The following GRIA4 variants were observed in gnomAD, a reference collection of about 807,000 sequenced individuals.
GRIA4 encodes the protein glutamate ionotropic receptor AMPA type subunit 4, also known as glutamate receptor 4.
GRIA4 carries 34 observed loss-of-function variants against 104.0 expected under a neutral mutation model. The ratio of observed to expected loss-of-function variants is 0.33; its 90% CI spans 0.25 to 0.44. The LOEUF (loss-of-function observed/expected upper bound fraction) is 0.44. Ranked by LOEUF, GRIA4 falls within the 20% of genes least tolerant of loss-of-function variation. The probability of loss-of-function intolerance (pLI) is 1.00; values close to 1 mark genes in which losing one functional copy is unlikely to be tolerated. For missense variants in GRIA4, 750 were observed against 1,096.5 expected (o/e 0.68, Z 4.46); for synonymous variants, 386 against 381.9 (o/e 1.01, Z -0.13).
intron 5 of GRIA4, among the ~76,000 whole-genome samples, chr11:105,879,998 T>C (rs1945988993): frequency 6.6e-6 from 1 of 152,218 alleles, no homozygotes; most frequent in South Asian, 2.1e-4. Flanking sequence ...ATTTATTTAA[T>C]GTAATTGTTT....
intron 14 of GRIA4, among the ~76,000 whole-genome samples, chr11:105,935,278 C>T (rs1291327762): frequency 5.3e-5 from 8 of 152,060 alleles, no homozygotes; most frequent in African/African-American, 1.9e-4. Context: ...CAAAACTAGC[C>T]AGTAAAGACA....
intron 3 of GRIA4, among the ~76,000 whole-genome samples, chr11:105,628,465 G>C (rs1950946331): frequency 6.6e-6 from 1 of 152,100 alleles, no homozygotes; most frequent in Admixed American, 6.5e-5. Context: ...CGTTGGAGTT[G>C]AATCATGGGA....
At chr11:105,848,177 C>T (rs909586500) in intron 4 of GRIA4, among the ~76,000 whole-genome samples, 1 of 151,988 alleles carries the variant, frequency 6.6e-6, no homozygotes, top group African/African-American at 2.4e-5. Flanking sequence ...AAAAAAATAG[C>T]CTTTGTCTAA....
At chr11:105,674,754 G>T (rs568944067) in intron 3 of GRIA4, among the ~76,000 whole-genome samples, 12 of 151,962 alleles carry the variant, frequency 7.9e-5, no homozygotes, top group Middle Eastern at 3.4e-3. Context: ...TAAAAGAGGA[G>T]CATTGCAAGA....
intron 2 of GRIA4, 83 bp downstream of exon 2, chr11:105,611,168 A>C (rs1770618276): frequency 2.1e-6 from 2 of 947,864 alleles, no homozygotes; most frequent in South Asian, 2.6e-5. Flanking sequence ...CTGATAAGCA[A>C]TTCAGGGAAA....
chr11:105,839,077 CCCCTCTAGCTTT>C (rs1175336273), intron 4 of GRIA4, among the ~76,000 whole-genome samples: 1 of 152,072 alleles, frequency 6.6e-6, no homozygotes, highest in Admixed American at 6.6e-5. Context: ...ATGCACCGGC[CCCCTCTAGCTTT>C]CCCTCTACTG....
At chr11:105,655,532 C>T (rs1361404285) in intron 3 of GRIA4, among the ~76,000 whole-genome samples, 8 of 152,040 alleles carry the variant, frequency 5.3e-5, no homozygotes, top group Admixed American at 3.3e-4. Flanking sequence ...TATTCCCCTC[C>T]CTGTGTCCAT....
chr11:105,944,631 CAT>C (rs944762468), intron 14 of GRIA4, among the ~76,000 whole-genome samples: 4 of 152,006 alleles, frequency 2.6e-5, no homozygotes, highest in African/African-American at 9.7e-5. Context: ...GTAGCACACC[CAT>C]ATATACTGGA....
chr11:105,724,396 CAT>C (rs201864031), intron 3 of GRIA4, among the ~76,000 whole-genome samples: 44 of 59,738 alleles, frequency 7.4e-4, no homozygotes, highest in South Asian at 4.3e-3. Context: ...CACACACACA[CAT>C]ATATATATGT....
chr11:105,913,406 C>T, intron 10 of GRIA4: 2 of 445,128 alleles, frequency 4.5e-6, no homozygotes, highest in Non-Finnish European at 5.9e-6. Context: ...GAATATACCA[C>T]AGCAAAATCT....
intron 14 of GRIA4, among the ~76,000 whole-genome samples, chr11:105,954,727 T>C (rs1485383713): frequency 1.3e-5 from 2 of 151,924 alleles, no homozygotes; most frequent in Admixed American, 6.6e-5. Context: ...ATCAACACTA[T>C]AACGCCAGAA....
At chr11:105,745,028 G>C (rs1939558354) in intron 3 of GRIA4, among the ~76,000 whole-genome samples, 1 of 151,972 alleles carries the variant, frequency 6.6e-6, no homozygotes, top group African/African-American at 2.4e-5. Context: ...CATTTTTTAA[G>C]TCCTATGCTC....
chr11:105,704,109 C>T (rs1476113503), intron 3 of GRIA4, among the ~76,000 whole-genome samples: 1 of 151,968 alleles, frequency 6.6e-6, no homozygotes, highest in Non-Finnish European at 1.5e-5. Context: ...TCAATGAGGG[C>T]CTACAAGGTA....
intron 4 of GRIA4, among the ~76,000 whole-genome samples, chr11:105,833,813 C>G (rs531528938): frequency 2.0e-5 from 3 of 152,078 alleles, no homozygotes; most frequent in African/African-American, 7.2e-5. Flanking sequence ...TACCTATCCA[C>G]AACCATATTC....
chr11:105,787,712 T>C (rs931024709), intron 4 of GRIA4, among the ~76,000 whole-genome samples: 1 of 152,026 alleles, frequency 6.6e-6, no homozygotes, highest in East Asian at 1.9e-4. Flanking sequence ...TTGTACAGAA[T>C]TCTTTACTTC....
intron 4 of GRIA4, among the ~76,000 whole-genome samples, chr11:105,793,583 T>C (rs1942316961): frequency 1.3e-5 from 2 of 152,148 alleles, no homozygotes; most frequent in South Asian, 4.1e-4. Context: ...TGTTCACAGA[T>C]TTGAAAGCCT....
chr11:105,865,924 G>T (rs1945387903), intron 5 of GRIA4, among the ~76,000 whole-genome samples: 1 of 152,162 alleles, frequency 6.6e-6, no homozygotes, highest in South Asian at 2.1e-4. Context: ...CCAGCAGCTA[G>T]ATTTGTGTGT....
In GRIA4 at chr11:105,715,802, C is replaced by T. The variant is rs145940294; in HGVS notation, c.248-37179C>T. 3.0e-3 allele frequency among the ~76,000 whole-genome samples: 454 copies of T among 152,212 alleles called. 6 individuals carry two copies. The highest frequency in any genetic ancestry group is 0.011 in the African/African-American group (441 of 41,546). On this transcript the variant is annotated intron_variant, in intron 3 of 16. Transcript: ENST00000282499. ...TAAGGGACCCAGGGTCCCTTCATCT[C>T]GTGGCGCTACCATCCTTTAAAGCAT...
chr11:105,769,646 C>T (rs1276947615), intron 4 of GRIA4, among the ~76,000 whole-genome samples: 1 of 151,948 alleles, frequency 6.6e-6, no homozygotes, highest in Non-Finnish European at 1.5e-5. Flanking sequence ...TTAAAGTACC[C>T]ATAGTGACAG....
Sources: allele counts gnomAD v4.1 joint callset (sites outside exome capture counted in the v4.1 genomes callset), GRCh38; gene constraint gnomAD v4.1.1; transcripts MANE v1.5; gene names NCBI Gene and HGNC (gene_info 2026-07-23, HGNC 2026-07-21).